ATP2B4: variants seen among roughly 807,000 people sequenced by gnomAD.
ATP2B4 encodes plasma membrane calcium-transporting ATPase 4.
Under a neutral mutation model 110.3 loss-of-function variants are expected in ATP2B4, and 39 were observed. That is an observed-to-expected ratio of 0.35 (90% CI 0.27 to 0.46). The LOEUF (loss-of-function observed/expected upper bound fraction) is 0.46. Among genes scored for constraint, ATP2B4 ranks in the 20% least tolerant of loss-of-function variants. The pLI, the probability that ATP2B4 is intolerant of heterozygous loss-of-function variation, is 1.00. For missense variants in ATP2B4, 1,135 were observed against 1,530.9 expected, an observed-to-expected ratio of 0.74 and a Z score of 4.32; for synonymous variants, 538 against 571.7, an observed-to-expected ratio of 0.94 and a Z score of 0.84.
Position 203,646,783 on chromosome 1 carries a change from A to G in ATP2B4, c.-465+19564A>G, listed in dbSNP as rs117231236. On this transcript the variant is annotated intron_variant, in intron 1 of 20. Transcript: ENST00000357681. Reference sequence around the variant, plus strand: ...TCTCAAAAAAAATAAATAAAAATAAAAAAAGATTCTGAGCTATGTACTGCC... The same window carrying G: ...TCTCAAAAAAAATAAATAAAAATAAGAAAAGATTCTGAGCTATGTACTGCC... 2.4e-3 allele frequency among the ~76,000 whole-genome samples: 371 copies of G among 152,164 alleles called. 3 individuals are homozygous for G. In the East Asian group the frequency reaches 0.038, roughly 15 times the overall value.
At chr1:203,738,851 G>A (rs1224193868) in intron 20 of ATP2B4, among the ~76,000 whole-genome samples, 2 of 152,282 alleles carry the variant, frequency 1.3e-5, no homozygotes, top group Non-Finnish European at 2.9e-5. Context: ...TGTTATTTGC[G>A]GGGAGGGGAC....
At position 203,688,421 on chromosome 1, in the gene ATP2B4, C is replaced by T. The variant is rs116701189; in HGVS notation, c.193+5023C>T. The stretch of plus-strand genomic sequence containing the variant: ...TCAAGCAGTCCTCCCACCTTAGCCT[C>T]CTGGTTAACTGGGACTACAGGTGTG... On this transcript the variant is annotated intron_variant, in intron 2 of 20. Coordinates refer to ENST00000357681, the MANE Select transcript of ATP2B4 (RefSeq NM_001684.5). Among the ~76,000 whole-genome samples, 906 of 152,084 alleles carry T rather than the reference C, an allele frequency of 6.0e-3. 11 individuals carry two copies. The highest frequency in any genetic ancestry group is 0.021 in the African/African-American group (860 of 41,474).
At chr1:203,702,508 C>T (rs1250216561) in intron 7 of ATP2B4, among the ~76,000 whole-genome samples, 2 of 152,120 alleles carry the variant, frequency 1.3e-5, no homozygotes, top group African/African-American at 2.4e-5. Context: ...CATAAGTGTC[C>T]TCTTCTGGTC....
In ATP2B4 at chr1:203,641,217, G is replaced by C. The variant is rs149624383; in HGVS notation, c.-465+13998G>C. Among the ~76,000 whole-genome samples the C allele has an allele frequency of 5.6e-3, 854 of 152,318 alleles. 5 individuals carry two copies. The highest frequency in any genetic ancestry group is 0.017 in the African/African-American group (721 of 41,558). On this transcript the variant is annotated intron_variant, in intron 1 of 20. Coordinates refer to ENST00000357681, the MANE Select transcript of ATP2B4 (RefSeq NM_001684.5). The stretch of plus-strand genomic sequence containing the variant: ...GTGAACCAGGCAGTAGGTTCCATCT[G>C]TCAGTCCATGTGGCCTTCCCACTTA...
At chr1:203,665,635 A>G (rs1413587216) in intron 1 of ATP2B4, among the ~76,000 whole-genome samples, 1 of 152,016 alleles carries the variant, frequency 6.6e-6, no homozygotes, top group Admixed American at 6.6e-5. Context: ...CCCTGTCTCT[A>G]CTAAAAATAC....
chr1:203,739,773 AAAC>A lies in ATP2B4; in HGVS notation c.3543_3545del (p.Asn1182del). On this transcript the variant is annotated inframe_deletion, in exon 21 of 21. Coordinates refer to ENST00000357681, the MANE Select transcript of ATP2B4 (RefSeq NM_001684.5). ...GTGAGGTCACTCCATATGCCAATAC[AAAC>A]AACAATGCGGTGGATTGCAACCAAG... 2 of 1,614,202 alleles carry A rather than the reference AAAC, an allele frequency of 1.2e-6. No homozygotes were observed. The highest frequency in any genetic ancestry group is 8.5e-7 in the Non-Finnish European group (1 of 1,180,044).
intron 20 of ATP2B4, chr1:203,728,271 C>T: frequency 6.7e-6 from 3 of 450,940 alleles, no homozygotes; most frequent in Non-Finnish European, 1.4e-5. Flanking sequence ...TCTTATGTCC[C>T]CTGTCTATAG....
At chr1:203,726,176 A>G (rs1353993848) in intron 19 of ATP2B4, among the ~76,000 whole-genome samples, 1 of 151,722 alleles carries the variant, frequency 6.6e-6, no homozygotes, top group Non-Finnish European at 1.5e-5. Flanking sequence ...GCGGAGTGCA[A>G]TGAGCTGAGA....
At chr1:203,698,449 T>A in intron 3 of ATP2B4, 95 bp downstream of exon 3, 1 of 1,335,902 alleles carries the variant, frequency 7.5e-7, no homozygotes, top group Non-Finnish European at 1.1e-6. Flanking sequence ...GGTTATAGCT[T>A]AAAACATTTC....
At chr1:203,653,745 C>T (rs955257062) in intron 1 of ATP2B4, among the ~76,000 whole-genome samples, 2 of 151,718 alleles carry the variant, frequency 1.3e-5, no homozygotes, top group African/African-American at 4.8e-5. Flanking sequence ...TTAGTAGAGA[C>T]GGGGTTTCAC....
At chr1:203,687,888 A>G (rs1412660916) in intron 2 of ATP2B4, among the ~76,000 whole-genome samples, 1 of 152,076 alleles carries the variant, frequency 6.6e-6, no homozygotes, top group Non-Finnish European at 1.5e-5. Context: ...TTAGAGCATT[A>G]ATGGAGTATA....
intron 1 of ATP2B4, among the ~76,000 whole-genome samples, chr1:203,659,943 G>A (rs774930240): frequency 1.3e-5 from 2 of 152,026 alleles, no homozygotes; most frequent in African/African-American, 4.8e-5. Flanking sequence ...TTAGCCGGGC[G>A]TGGTGGCAGG....
At position 203,716,522 on chromosome 1, in the gene ATP2B4, T is replaced by C. The variant is rs752635479; in HGVS notation, c.2406+2245T>C. Among the ~76,000 whole-genome samples, 78 of 144,950 alleles carry C rather than the reference T, an allele frequency of 5.4e-4. 10 individuals are homozygous for C. Among genetic ancestry groups the C allele is most frequent in the Non-Finnish European group, 1.0e-3 (67 of 65,084 alleles). ...CAGTCTAGACACAATGAGCCACCTT[T>C]ATCAGTTAGTTGTTGAGGGCAAGCA... On this transcript the variant is annotated intron_variant, in intron 15 of 20. Transcript: ENST00000357681.
rs549491998 is a variant in ATP2B4, at chr1:203,721,188, C to T, written c.2599-9C>T. The T allele has an allele frequency of 6.2e-7, 1 of 1,613,738 alleles. No individual in the cohort carries two copies. The highest frequency in any genetic ancestry group is 8.5e-7 in the Non-Finnish European group (1 of 1,179,680). On this transcript the variant is annotated splice_polypyrimidine_tract_variant and intron_variant, in intron 16 of 20. Coordinates refer to ENST00000357681, the MANE Select transcript of ATP2B4 (RefSeq NM_001684.5). ...AAAAGCTAAAAGGACTGGTTCTTCTCCCCGCCAGGATTCCCCATTGAAAGC... is the reference window on the plus strand; with the variant it reads ...AAAAGCTAAAAGGACTGGTTCTTCTTCCCGCCAGGATTCCCCATTGAAAGC...
intron 11 of ATP2B4, 68 bp downstream of exon 11, chr1:203,709,610 C>G (rs899033621): frequency 2.5e-6 from 4 of 1,595,164 alleles, no homozygotes; most frequent in Non-Finnish European, 3.4e-6. Context: ...GTGCACACCC[C>G]ACACTGAACC....
intron 1 of ATP2B4, among the ~76,000 whole-genome samples, chr1:203,663,731 A>G (rs1453514737): frequency 6.6e-6 from 1 of 151,918 alleles, no homozygotes; most frequent in East Asian, 1.9e-4. Flanking sequence ...CAGCCTCCTA[A>G]GTAGTGGGGA....
At chr1:203,633,697 G>A (rs1165995097) in intron 1 of ATP2B4, among the ~76,000 whole-genome samples, 1 of 132,780 alleles carries the variant, frequency 7.5e-6, no homozygotes, top group Non-Finnish European at 1.7e-5. Context: ...GGGAGACAGA[G>A]CGAGACTCCA....
chr1:203,722,715 A>T, intron 18 of ATP2B4, 26 bp downstream of exon 18: 1 of 1,609,724 alleles, frequency 6.2e-7, no homozygotes, highest in Non-Finnish European at 8.5e-7. Context: ...CAGTTGGGGC[A>T]GGAGATCTGG....
At chr1:203,645,701 C>T (rs1663777619) in intron 1 of ATP2B4, among the ~76,000 whole-genome samples, 1 of 151,850 alleles carries the variant, frequency 6.6e-6, no homozygotes, top group South Asian at 2.1e-4. Context: ...AGCGATTCTC[C>T]TGCCTCAGCC....
Sources: gnomAD v4.1 joint callset for allele counts (sites outside exome capture counted in the v4.1 genomes callset) on GRCh38, gnomAD v4.1.1 for gene constraint, MANE v1.5 for transcripts, NCBI Gene and HGNC (gene_info 2026-07-23, HGNC 2026-07-21) for gene names.